PALD1: variants seen among roughly 807,000 people sequenced by gnomAD.
PALD1 encodes paladin.
Under a neutral mutation model 96.0 loss-of-function variants are expected in PALD1, and 57 were observed. The observed-to-expected ratio is 0.59, with a 90% CI of 0.48 to 0.74. The LOEUF is 0.74. PALD1 is among the 30% of genes least tolerant of loss of function. PALD1 has a pLI of 0.00. For missense variants in PALD1, 1,063 were observed against 1,143.7 expected, an observed-to-expected ratio of 0.93 and a Z score of 1.02; for synonymous variants, 464 against 473.6, an observed-to-expected ratio of 0.98 and a Z score of 0.26.
intron 1 of PALD1, among the ~76,000 whole-genome samples, chr10:70,512,387 G>A (rs1377316518): frequency 6.6e-6 from 1 of 152,244 alleles, no homozygotes; most frequent in Non-Finnish European, 1.5e-5. Flanking sequence ...TCCCAATGGG[G>A]ACATCAGTCC....
At chr10:70,491,963 T>C (rs918464175) in intron 1 of PALD1, among the ~76,000 whole-genome samples, 20 of 152,378 alleles carry the variant, frequency 1.3e-4, no homozygotes, top group Admixed American at 5.9e-4. Flanking sequence ...ATTGTATGGA[T>C]AGGCCGCACT....
At chr10:70,560,447 A>C (rs1042554125) in intron 18 of PALD1, among the ~76,000 whole-genome samples, 6 of 152,104 alleles carry the variant, frequency 3.9e-5, no homozygotes, top group Non-Finnish European at 2.9e-5. Flanking sequence ...ATAAACAAAC[A>C]AACCAAAAAC....
intron 1 of PALD1, among the ~76,000 whole-genome samples, chr10:70,501,787 G>A (rs1220501271): frequency 1.5e-5 from 2 of 135,158 alleles, no homozygotes; most frequent in Admixed American, 1.5e-4. Flanking sequence ...GATGTTTTGA[G>A]ATTTGTCCTT....
Position 70,511,636 on chromosome 10 carries a change from C to A in PALD1, c.-29-14287C>A, listed in dbSNP as rs146248509. ...CACAGCACTGACATCTGCTTGGCAT[C>A]TGGTGCAGGCCTTCTTGCTGTGTCC... is the stretch of plus-strand genomic sequence containing the variant. On this transcript the variant is annotated intron_variant, in intron 1 of 19. Coordinates refer to ENST00000263563, the MANE Select transcript of PALD1 (RefSeq NM_014431.3). 6.9e-3 allele frequency among the ~76,000 whole-genome samples: 1,055 copies of A among 152,316 alleles called. 13 individuals carry two copies. The highest frequency in any genetic ancestry group is 0.024 in the African/African-American group (1,013 of 41,556).
At chr10:70,478,754 G>A (rs1247081422), upstream of PALD1, 1 of 151,784 alleles carries the variant, frequency 6.6e-6, no homozygotes, top group Admixed American at 6.6e-5. Flanking sequence ...CGGCCGGGTC[G>A]GGTCCGCCCC....
upstream of PALD1, among the ~76,000 whole-genome samples, chr10:70,477,037 ACATG>A (rs1845836946): frequency 1.1e-4 from 1 of 9,090 alleles, no homozygotes; most frequent in Non-Finnish European, 1.0e-3. Context: ...GTGTGCATAC[ACATG>A]CACATGTATG....
At chr10:70,563,963 G>A (rs183091198) in intron 18 of PALD1, among the ~76,000 whole-genome samples, 47 of 152,336 alleles carry the variant, frequency 3.1e-4, no homozygotes, top group Middle Eastern at 3.4e-3. Context: ...GAGGATTGGG[G>A]GTTGGCAGGA....
intron 1 of PALD1, among the ~76,000 whole-genome samples, chr10:70,501,838 T>C (rs10443944): frequency 0.82 from 122,880 of 150,272 alleles, 52,275 homozygotes; most frequent in East Asian, 0.94. Context: ...TGTGTGTGCG[T>C]GCGTGCATGC....
At chr10:70,497,493 C>G (rs1846215319) in intron 1 of PALD1, among the ~76,000 whole-genome samples, 1 of 152,226 alleles carries the variant, frequency 6.6e-6, no homozygotes, top group African/African-American at 2.4e-5. Context: ...TTAGCTCTTT[C>G]CATATCTGCT....
At chr10:70,504,454 C>G (rs1176454389) in intron 1 of PALD1, among the ~76,000 whole-genome samples, 2 of 152,150 alleles carry the variant, frequency 1.3e-5, no homozygotes, top group Non-Finnish European at 2.9e-5. Context: ...ACCTGGGAGG[C>G]GGAGGTTGCA....
At chr10:70,546,402 T>C (rs952852717) in intron 17 of PALD1, among the ~76,000 whole-genome samples, 1 of 152,250 alleles carries the variant, frequency 6.6e-6, no homozygotes, top group South Asian at 2.1e-4. Context: ...AAATGACTTA[T>C]ATTCCCATGG....
At chr10:70,499,797 G>A (rs1476525041) in intron 1 of PALD1, among the ~76,000 whole-genome samples, 1 of 152,164 alleles carries the variant, frequency 6.6e-6, no homozygotes, top group Non-Finnish European at 1.5e-5. Context: ...AGGCATTCAG[G>A]GCCAGACGGC....
At chr10:70,552,331 T>C (rs1262366602) in intron 18 of PALD1, among the ~76,000 whole-genome samples, 1 of 152,176 alleles carries the variant, frequency 6.6e-6, no homozygotes, top group African/African-American at 2.4e-5. Context: ...TCACATTCTT[T>C]CCTGTCGTCT....
chr10:70,522,679 C>T (rs1481420713), intron 1 of PALD1, among the ~76,000 whole-genome samples: 1 of 152,178 alleles, frequency 6.6e-6, no homozygotes, highest in Non-Finnish European at 1.5e-5. Flanking sequence ...GACATCTCAT[C>T]CCAACCCACT....
chr10:70,512,455 G>A (rs894264432), intron 1 of PALD1, among the ~76,000 whole-genome samples: 4 of 152,250 alleles, frequency 2.6e-5, no homozygotes, highest in African/African-American at 9.6e-5. Context: ...CAGGGGCTGA[G>A]CCCGAGGGAG....
chr10:70,505,019 CT>C (rs1374947613), intron 1 of PALD1, among the ~76,000 whole-genome samples: 2 of 152,204 alleles, frequency 1.3e-5, no homozygotes, highest in Non-Finnish European at 2.9e-5. Context: ...TATCAGGCAT[CT>C]GTCTTTGGGA....
At chr10:70,532,357 C>T (rs376346585) in intron 5 of PALD1, among the ~76,000 whole-genome samples, 13 of 152,358 alleles carry the variant, frequency 8.5e-5, no homozygotes, top group Admixed American at 6.5e-4. Flanking sequence ...ACCACACCTC[C>T]CCCGTCCTGG....
intron 1 of PALD1, among the ~76,000 whole-genome samples, chr10:70,505,231 T>A (rs1172301351): frequency 6.6e-6 from 1 of 152,218 alleles, no homozygotes; most frequent in African/African-American, 2.4e-5. Flanking sequence ...AGCTCCAACT[T>A]TATTATTGGC....
In PALD1 at chr10:70,567,156, A is replaced by C. The variant is rs1589225039; in HGVS notation, c.*423A>C. On this transcript the variant is annotated 3_prime_UTR_variant, in exon 20 of 20. Transcript: ENST00000263563. ...CAGACCCGGCCACTGGTAGCTCCCC[A>C]CTTCCTTACTCCTGCTGCTCTGCCA... 1 of 166,052 alleles carries C rather than the reference A, an allele frequency of 6.0e-6. No homozygotes were observed. 10.3% of individuals were successfully genotyped at this position (166,052 alleles called of 1,614,324 possible).
Sources: gnomAD v4.1 joint callset for allele counts (sites outside exome capture counted in the v4.1 genomes callset) on GRCh38, gnomAD v4.1.1 for gene constraint, MANE v1.5 for transcripts, NCBI Gene and HGNC (gene_info 2026-07-23, HGNC 2026-07-21) for gene names.